EIF2B3: variants seen among roughly 807,000 people sequenced by gnomAD.
EIF2B3 encodes eukaryotic translation initiation factor 2B subunit gamma.
In EIF2B3, 20 loss-of-function variants were observed where a neutral mutation model predicts 54.1. The observed-to-expected ratio is 0.37, with a 90% confidence interval of 0.26 to 0.54. The LOEUF is 0.54. Among genes scored for constraint, EIF2B3 ranks in the 20% least tolerant of loss-of-function variants. The pLI is 0.86. For missense variants in EIF2B3, 448 were observed against 547.8 expected (o/e 0.82, Z 1.82); for synonymous variants, 153 against 188.1 (o/e 0.81, Z 1.52).
At chr1:44,927,204 A>C (rs1027420110) in intron 4 of EIF2B3, among the ~76,000 whole-genome samples, 2 of 152,028 alleles carry the variant, frequency 1.3e-5, no homozygotes, top group African/African-American at 4.8e-5. Context: ...ATTTTGCGTT[A>C]CTATAAAGAA....
At chr1:44,951,223 C>A (rs769825279) in intron 3 of EIF2B3, among the ~76,000 whole-genome samples, 3 of 152,160 alleles carry the variant, frequency 2.0e-5, no homozygotes, top group Non-Finnish European at 2.9e-5. Context: ...CATATTAATT[C>A]ATGTGACACA....
chr1:44,889,411 C>G (rs1655722128), intron 6 of EIF2B3, among the ~76,000 whole-genome samples: 1 of 150,064 alleles, frequency 6.7e-6, no homozygotes, highest in African/African-American at 2.4e-5. Context: ...GTGGCCTGTG[C>G]CTGTAATCCC....
intron 10 of EIF2B3, among the ~76,000 whole-genome samples, chr1:44,869,593 CTTTTTTTTTT>C (rs60006087): frequency 1.4e-5 from 1 of 71,188 alleles, no homozygotes. Flanking sequence ...GAGGTAAGGC[CTTTTTTTTTT>C]TTTTTTTTTT....
chr1:44,957,610 A>T (rs1455516157), intron 3 of EIF2B3, among the ~76,000 whole-genome samples: 4 of 152,004 alleles, frequency 2.6e-5, no homozygotes, highest in Non-Finnish European at 5.9e-5. Context: ...AAAATACAAA[A>T]ATCAGCTGGG....
chr1:44,952,363 G>T (rs1311883455), intron 3 of EIF2B3, among the ~76,000 whole-genome samples: 1 of 151,958 alleles, frequency 6.6e-6, no homozygotes, highest in East Asian at 1.9e-4. Flanking sequence ...GCCTCCCAAA[G>T]TGCTGGGATT....
At chr1:44,955,082 T>C (rs1207450011) in intron 3 of EIF2B3, among the ~76,000 whole-genome samples, 1 of 152,082 alleles carries the variant, frequency 6.6e-6, no homozygotes, top group African/African-American at 2.4e-5. Flanking sequence ...GACTTGATTG[T>C]GGTGGCTGGA....
chr1:44,983,100 T>C (rs977215471), intron 1 of EIF2B3, among the ~76,000 whole-genome samples: 1 of 152,012 alleles, frequency 6.6e-6, no homozygotes, highest in African/African-American at 2.4e-5. Flanking sequence ...TAATTTTTTA[T>C]AGAGATGGGG....
chr1:44,966,983 T>G (rs1644348662), intron 3 of EIF2B3, among the ~76,000 whole-genome samples: 1 of 151,788 alleles, frequency 6.6e-6, no homozygotes, highest in Non-Finnish European at 1.5e-5. Flanking sequence ...GGCCAGCTAA[T>G]TTTTATATTT....
At chr1:44,884,281 A>T (rs1257058301) in intron 6 of EIF2B3, among the ~76,000 whole-genome samples, 1 of 152,168 alleles carries the variant, frequency 6.6e-6, no homozygotes, top group Non-Finnish European at 1.5e-5. Context: ...GAGATGAGAT[A>T]ATGAGGCCTG....
intron 1 of EIF2B3, among the ~76,000 whole-genome samples, chr1:44,983,315 C>T (rs972790921): frequency 2.6e-5 from 4 of 152,210 alleles, no homozygotes; most frequent in African/African-American, 9.6e-5. Flanking sequence ...ATCTATTCAA[C>T]ATCAAATTGC....
Position 44,923,799 on chromosome 1 carries a change from CTCTT to C in EIF2B3, c.566+2825_566+2828del, listed in dbSNP as rs143053060. Among the ~76,000 whole-genome samples the C allele has an allele frequency of 8.0e-3, 1,212 of 151,226 alleles. 15 individuals carry two copies. The highest frequency in any genetic ancestry group is 0.027 in the African/African-American group (1,128 of 41,178). On this transcript the variant is annotated intron_variant, in intron 5 of 11. Coordinates refer to ENST00000360403, the MANE Select transcript of EIF2B3 (RefSeq NM_020365.5). ...TTCCTCCCTCCCTCCTTCTCTTTCT[CTCTT>C]TCTTTCTTTCATTTTTTTGAGACAG...
At position 44,879,893 on chromosome 1, in the gene EIF2B3, G is replaced by A. The variant is rs975328885; in HGVS notation, c.900C>T (p.Cys300=). ...WEDLSRSQVR[C]YVHIMKEGLC... is the part of the protein sequence containing the mutation. ...GCCCCTCTTTCATGATGTGGACATA[G>A]CAGCGCACCTGTGATCTGGACAAGT... The change falls in exon 8 of 12, where the codon TGC becomes TGT. Residue 300 remains cysteine, a synonymous_variant. Coordinates refer to ENST00000360403, the MANE Select transcript of EIF2B3 (RefSeq NM_020365.5). The A allele has an allele frequency of 1.9e-6, 3 of 1,614,042 alleles. No individual in the cohort carries two copies. In the African/African-American group the frequency reaches 4.0e-5, roughly 22 times the overall value.
chr1:44,886,992 A>T (rs1655609634), intron 6 of EIF2B3, among the ~76,000 whole-genome samples: 2 of 152,220 alleles, frequency 1.3e-5, no homozygotes, highest in South Asian at 4.1e-4. Context: ...CGCTGAGTGA[A>T]CAAGCAAGGT....
intron 4 of EIF2B3, among the ~76,000 whole-genome samples, chr1:44,937,067 A>G (rs1478512829): frequency 6.6e-6 from 1 of 152,196 alleles, no homozygotes; most frequent in East Asian, 1.9e-4. Context: ...TATTTTTTTA[A>G]AAATCTTGAA....
At chr1:44,937,379 T>C (rs1007357284) in intron 4 of EIF2B3, 3 of 152,236 alleles carry the variant, frequency 2.0e-5, no homozygotes, top group South Asian at 2.1e-4. Flanking sequence ...ACAGATATGA[T>C]CCCTTCCCTT....
chr1:44,876,573 T>TGGGG, intron 8 of EIF2B3, among the ~76,000 whole-genome samples: 1 of 234 alleles, frequency 4.3e-3, no homozygotes, highest in African/African-American at 0.021. Flanking sequence ...GGGAGGGAGG[T>TGGGG]GGGGGTCAGC....
At chr1:44,930,646 T>C (rs1427357854) in intron 4 of EIF2B3, among the ~76,000 whole-genome samples, 1 of 152,154 alleles carries the variant, frequency 6.6e-6, no homozygotes, top group African/African-American at 2.4e-5. Flanking sequence ...ATATATTTTT[T>C]TTCTTTTTTT....
chr1:44,966,253 C>T (rs1477861508), intron 3 of EIF2B3, among the ~76,000 whole-genome samples: 1 of 151,696 alleles, frequency 6.6e-6, no homozygotes, highest in Non-Finnish European at 1.5e-5. Flanking sequence ...TCCTGGCTAA[C>T]ATGGTGAAAC....
intron 8 of EIF2B3, among the ~76,000 whole-genome samples, chr1:44,876,905 T>C (rs1480151567): frequency 7.2e-6 from 1 of 139,130 alleles, no homozygotes; most frequent in Non-Finnish European, 1.5e-5. Context: ...CCCCCAACCC[T>C]GTGCTCTCTG....
Sources: allele counts gnomAD v4.1 joint callset (sites outside exome capture counted in the v4.1 genomes callset), GRCh38; gene constraint gnomAD v4.1.1; transcripts MANE v1.5; gene names NCBI Gene and HGNC (gene_info 2026-07-23, HGNC 2026-07-21).